RFLNA: variants seen among roughly 807,000 people sequenced by gnomAD.
The protein encoded by RFLNA is refilin A.
Under a neutral mutation model 7.8 loss-of-function variants are expected in RFLNA, and 5 were observed. That is an observed-to-expected ratio of 0.64 (90% CI 0.34 to 1.35). The LOEUF (loss-of-function observed/expected upper bound fraction) is 1.35. Ranked by LOEUF, RFLNA falls within the 40% of genes most tolerant of loss-of-function variation. The probability of loss-of-function intolerance (pLI) is 0.04; values close to 1 mark genes in which losing one functional copy is unlikely to be tolerated. For missense variants in RFLNA, 278 were observed against 305.5 expected, an observed-to-expected ratio of 0.91 and a Z score of 0.67; for synonymous variants, 141 against 131.3, an observed-to-expected ratio of 1.07 and a Z score of -0.50.
intron 1 of RFLNA, among the ~76,000 whole-genome samples, chr12:124,305,024 GT>G (rs1401545443): frequency 6.6e-6 from 1 of 152,238 alleles, no homozygotes; most frequent in African/African-American, 2.4e-5. Context: ...ATCATATAGA[GT>G]CTTGCAGCTG....
chr12:124,303,278 G>T (rs945281726), intron 1 of RFLNA, among the ~76,000 whole-genome samples: 1 of 152,164 alleles, frequency 6.6e-6, no homozygotes, highest in Non-Finnish European at 1.5e-5. Context: ...GCTCCGAGGA[G>T]CCCCTGTGTA....
At chr12:124,298,372 C>T (rs537255176) in intron 1 of RFLNA, among the ~76,000 whole-genome samples, 3 of 152,262 alleles carry the variant, frequency 2.0e-5, no homozygotes, top group South Asian at 2.1e-4. Flanking sequence ...ATCTGGGAAG[C>T]GGCTGGCTGT....
upstream of RFLNA, among the ~76,000 whole-genome samples, chr12:124,292,461 C>T (rs565645712): frequency 9.8e-5 from 15 of 152,332 alleles, no homozygotes; most frequent in South Asian, 2.5e-3. Flanking sequence ...TTTTCCTCCC[C>T]TCTTTGACAT....
chr12:124,314,061 C>T, intron 2 of RFLNA, 131 bp from the exon 3 acceptor site: 1 of 1,214,838 alleles, frequency 8.2e-7, no homozygotes, highest in Non-Finnish European at 1.1e-6. Flanking sequence ...TTGACCTTGA[C>T]ATTTCAGAGC....
chr12:124,313,336 T>C lies in RFLNA; in HGVS notation c.318-856T>C, dbSNP rs188258833. On this transcript the variant is annotated intron_variant, in intron 2 of 2. Transcript: ENST00000546355. ...TACTAGTCGGTCACTCCTCCAAGGG[T>C]GTTGAAGGGACTTCTTGGAAAACGT... Among the ~76,000 whole-genome samples the C allele has an allele frequency of 9.9e-4, 151 of 152,260 alleles. 4 individuals carry two copies. In the South Asian group the frequency reaches 0.023, roughly 23 times the overall value.
chr12:124,304,853 T>C (rs2034111075), intron 1 of RFLNA, among the ~76,000 whole-genome samples: 1 of 152,160 alleles, frequency 6.6e-6, no homozygotes, highest in Admixed American at 6.5e-5. Flanking sequence ...TCACCCCCTC[T>C]TGCGGGAGAA....
At chr12:124,300,821 A>C (rs2034022199) in intron 1 of RFLNA, among the ~76,000 whole-genome samples, 1 of 131,592 alleles carries the variant, frequency 7.6e-6, no homozygotes, top group Non-Finnish European at 1.6e-5. Context: ...GATGGACAGA[A>C]GAATGGGTGG....
At chr12:124,309,289 A>G (rs1433074456) in intron 1 of RFLNA, among the ~76,000 whole-genome samples, 1 of 152,162 alleles carries the variant, frequency 6.6e-6, no homozygotes, top group Non-Finnish European at 1.5e-5. Context: ...TCGTGCCCTC[A>G]TTGCCCTGTC....
At chr12:124,314,146 T>C (rs2034304031) in intron 2 of RFLNA, 46 bp from the exon 3 acceptor site, 1 of 1,575,060 alleles carries the variant, frequency 6.3e-7, no homozygotes, top group Admixed American at 1.7e-5. Context: ...GGAATCGGGC[T>C]GCCCCCAATC....
intron 1 of RFLNA, among the ~76,000 whole-genome samples, chr12:124,310,027 C>T (rs971962104): frequency 6.6e-6 from 1 of 151,720 alleles, no homozygotes; most frequent in African/African-American, 2.4e-5. Flanking sequence ...TTTAAATTGG[C>T]TGGGGCATGG....
chr12:124,312,336 G>A (rs750286132), intron 2 of RFLNA, among the ~76,000 whole-genome samples: 17 of 149,970 alleles, frequency 1.1e-4, no homozygotes, highest in Middle Eastern at 6.8e-3. Context: ...TTTTTGATGG[G>A]ATCTCACTGT....
chr12:124,290,748 CTT>C (rs1449858728), upstream of RFLNA, among the ~76,000 whole-genome samples: 2 of 152,158 alleles, frequency 1.3e-5, no homozygotes, highest in African/African-American at 4.8e-5. The surrounding 1 kb of genome is among the most constrained non-coding windows in gnomAD (Gnocchi z 4.0). Flanking sequence ...CATGCTGAGG[CTT>C]GTGCCTGGCG....
intron 1 of RFLNA, among the ~76,000 whole-genome samples, chr12:124,302,840 A>G (rs1299741483): frequency 1.7e-4 from 11 of 64,890 alleles, no homozygotes; most frequent in Admixed American, 3.2e-4. Flanking sequence ...CCGAGGTCAG[A>G]GGGCCGAGGT....
intron 1 of RFLNA, among the ~76,000 whole-genome samples, chr12:124,310,160 G>C (rs987256009): frequency 2.4e-3 from 53 of 22,034 alleles, no homozygotes; most frequent in African/African-American, 4.3e-3. Context: ...GTGACAGAGA[G>C]AGACTCTGTC....
upstream of RFLNA, among the ~76,000 whole-genome samples, chr12:124,294,399 C>G (rs79394789): frequency 0.11 from 17,396 of 152,082 alleles, 1,183 homozygotes; most frequent in East Asian, 0.31. Flanking sequence ...TGTGGCTGGG[C>G]GCTGGAAATG....
intron 1 of RFLNA, among the ~76,000 whole-genome samples, chr12:124,297,908 GCTCA>G (rs2033959036): frequency 6.6e-6 from 1 of 151,806 alleles, no homozygotes; most frequent in Non-Finnish European, 1.5e-5. Flanking sequence ...ACCGCACCCT[GCTCA>G]CTGACGACTC....
chr12:124,302,306 G>A (rs552360462), intron 1 of RFLNA, among the ~76,000 whole-genome samples: 3 of 152,282 alleles, frequency 2.0e-5, no homozygotes, highest in Admixed American at 6.5e-5. Context: ...CATCTCAGGA[G>A]GGAGCCCAGC....
chr12:124,305,081 C>T (rs956900311), intron 1 of RFLNA, among the ~76,000 whole-genome samples: 6 of 152,184 alleles, frequency 3.9e-5, no homozygotes, highest in African/African-American at 4.8e-5. Context: ...TGAGGATGGG[C>T]CTGTCTTGTC....
chr12:124,302,669 A>T (rs1239938184), intron 1 of RFLNA, among the ~76,000 whole-genome samples: 1 of 152,184 alleles, frequency 6.6e-6, no homozygotes, highest in African/African-American at 2.4e-5. Context: ...GATGGTCAAG[A>T]TTAACCTTAG....
Sources: gnomAD v4.1 joint callset for allele counts (sites outside exome capture counted in the v4.1 genomes callset) on GRCh38, gnomAD v4.1.1 for gene constraint, Gnocchi (gnomAD v3.1) non-coding constraint, MANE v1.5 for transcripts, NCBI Gene and HGNC (gene_info 2026-07-23, HGNC 2026-07-21) for gene names.